FMN2: variants seen among roughly 807,000 people sequenced by gnomAD.
FMN2 encodes formin-2.
FMN2 carries 51 observed loss-of-function variants against 142.3 expected under a neutral mutation model. That is an observed-to-expected ratio of 0.36 (90% CI 0.29 to 0.45). The LOEUF is 0.45. FMN2 is among the 20% of genes least tolerant of loss of function. The pLI is 1.00. For synonymous variants in FMN2, 882 were observed against 869.8 expected, an observed-to-expected ratio of 1.01 and a Z score of -0.25; for missense variants, 1,936 against 2,122.8, an observed-to-expected ratio of 0.91 and a Z score of 1.73.
At chr1:240,334,986 G>A (rs1370173545) in intron 13 of FMN2, among the ~76,000 whole-genome samples, 1 of 152,048 alleles carries the variant, frequency 6.6e-6, no homozygotes, top group Non-Finnish European at 1.5e-5. Context: ...GGTTACCCCT[G>A]TCCAGAAACC....
Position 240,092,919 on chromosome 1 carries a change from G to A in FMN2, c.810G>A (p.Glu270=), listed in dbSNP as rs2103157741. The A allele has an allele frequency of 2.0e-6, 3 of 1,480,690 alleles. No individual in the cohort carries two copies. Among genetic ancestry groups the A allele is most frequent in the East Asian group, 2.5e-5 (1 of 39,532 alleles). The allele number at this position is 1,480,690 out of a possible 1,614,324, so 91.7% of individuals were successfully genotyped here. A position where few individuals can be genotyped will look rare whatever the true frequency, so the allele number is the denominator to read the frequency against. The change falls in exon 1 of 18, where the codon GAG becomes GAA. Residue 270 remains glutamate (E), a synonymous_variant. Transcript: ENST00000319653. ...AGEAPGSPDT[E]QALSALSDLP... is the part of the protein sequence containing the mutation. ...AGGCCCCGGGCAGTCCGGACACCGAGCAGGCGCTGTCCGCGCTCTCCGACC... is the reference window on the plus strand; with the variant it reads ...AGGCCCCGGGCAGTCCGGACACCGAACAGGCGCTGTCCGCGCTCTCCGACC...
chr1:240,136,900 G>T (rs1662965125), intron 2 of FMN2, among the ~76,000 whole-genome samples: 1 of 151,866 alleles, frequency 6.6e-6, no homozygotes, highest in Non-Finnish European at 1.5e-5. Context: ...GTGAAACCCT[G>T]TCTCTACTAC....
chr1:240,358,120 T>C (rs570218307), intron 14 of FMN2, among the ~76,000 whole-genome samples: 48 of 152,364 alleles, frequency 3.2e-4, no homozygotes, highest in Non-Finnish European at 5.0e-4. Flanking sequence ...TTATTTCTTC[T>C]TTGCATCTGT....
intron 15 of FMN2, among the ~76,000 whole-genome samples, chr1:240,396,622 G>A (rs921631005): frequency 2.0e-5 from 3 of 152,034 alleles, no homozygotes; most frequent in African/African-American, 7.2e-5. Flanking sequence ...GCATTGTTGA[G>A]TAGCCCCAGT....
intron 6 of FMN2, among the ~76,000 whole-genome samples, chr1:240,226,588 CAAG>C (rs1667309067): frequency 6.6e-6 from 1 of 152,124 alleles, no homozygotes; most frequent in Non-Finnish European, 1.5e-5. Flanking sequence ...TATACAAAAA[CAAG>C]GAGCACTGGT....
rs76420676 is a variant in FMN2 at position 240,349,516 on chromosome 1, T to C, written c.4766-6300T>C. On this transcript the variant is annotated intron_variant, in intron 13 of 17. Coordinates refer to ENST00000319653, the MANE Select transcript of FMN2 (RefSeq NM_020066.5). ...ACTCAAAAAAAAAATAGCCAGACTC[T>C]TCATGATCATGGTTCATTCCAGGGA... Among the ~76,000 whole-genome samples the C allele has an allele frequency of 5.7e-3, 864 of 152,238 alleles. 10 individuals carry two copies. The highest frequency in any genetic ancestry group is 0.019 in the African/African-American group (806 of 41,548).
In FMN2 at chr1:240,321,672, A is replaced by G. The variant is rs138145568; in HGVS notation, c.4216-7404A>G. Among the ~76,000 whole-genome samples the G allele has an allele frequency of 1.8e-4, 27 of 152,354 alleles. 1 individual carries two copies. In the East Asian group the frequency reaches 3.5e-3, roughly 20 times the overall value. On this transcript the variant is annotated intron_variant, in intron 8 of 17. Coordinates refer to ENST00000319653, the MANE Select transcript of FMN2 (RefSeq NM_020066.5). ...CTCACTTTCCCAACTACCTATCTGTATGAAGCTAGATTCTTTTCCTATACT... is the reference window on the plus strand; with the variant it reads ...CTCACTTTCCCAACTACCTATCTGTGTGAAGCTAGATTCTTTTCCTATACT...
rs542914542 is a variant in FMN2 at position 240,284,753 on chromosome 1, T to G, written c.4154-10069T>G. On this transcript the variant is annotated intron_variant, in intron 7 of 17. Transcript: ENST00000319653. ...TTTTTAAGGACCTTTTCTGGGTCCTTAAAAACGTAAAAACTAATAGGCAAT... is the reference window on the plus strand; with the variant it reads ...TTTTTAAGGACCTTTTCTGGGTCCTGAAAAACGTAAAAACTAATAGGCAAT... Among the ~76,000 whole-genome samples, 72 of 152,228 alleles carry G rather than the reference T, an allele frequency of 4.7e-4. 1 individual carries two copies. Among genetic ancestry groups the G allele is most frequent in the Non-Finnish European group, 3.1e-4 (21 of 68,012 alleles).
At chr1:240,322,875 G>T in intron 8 of FMN2, among the ~76,000 whole-genome samples, 1 of 152,186 alleles carries the variant, frequency 6.6e-6, no homozygotes, top group East Asian at 1.9e-4. Flanking sequence ...AAGATATTTA[G>T]GAGGTTAATT....
intron 1 of FMN2, among the ~76,000 whole-genome samples, chr1:240,109,851 T>G (rs759865884): frequency 1.2e-4 from 19 of 152,180 alleles, no homozygotes; most frequent in Non-Finnish European, 2.2e-4. Flanking sequence ...ATCATCTTAT[T>G]GTATTATTAT....
chr1:240,328,345 C>T (rs1047090924), intron 8 of FMN2, among the ~76,000 whole-genome samples: 6 of 151,094 alleles, frequency 4.0e-5, no homozygotes, highest in African/African-American at 1.5e-4. Context: ...AAATTACTTC[C>T]AAATTCAACT....
At chr1:240,291,939 G>A (rs1669806620) in intron 7 of FMN2, among the ~76,000 whole-genome samples, 1 of 152,006 alleles carries the variant, frequency 6.6e-6, no homozygotes, top group Non-Finnish European at 1.5e-5. Flanking sequence ...TTGCCTCTAA[G>A]CCCCACAAAA....
intron 2 of FMN2, among the ~76,000 whole-genome samples, chr1:240,151,989 A>T (rs942371445): frequency 6.6e-5 from 10 of 151,624 alleles, no homozygotes; most frequent in African/African-American, 2.4e-4. Context: ...CTGCTCTCGA[A>T]CTCCTGGGCT....
chr1:240,438,036 CT>C, intron 15 of FMN2, 24 bp from the exon 16 acceptor site: 1 of 1,603,858 alleles, frequency 6.2e-7, no homozygotes, highest in East Asian at 2.2e-5. Flanking sequence ...GGCTTTTATG[CT>C]TTTGTGTGTG....
At position 240,207,666 on chromosome 1, in the gene FMN2, G is replaced by T. The variant is rs367627381; in HGVS notation, c.2854G>T (p.Ala952Ser). Reference protein sequence around the residue: ...IPPPPPLPGAAIPPPPPLPGA... With the variant: ...IPPPPPLPGASIPPPPPLPGA... ...TCCTCCGCCCCCTCTACCCGGAGCGGCAATACCCCCTCCGCCCCCTCTTCC... is the reference window on the plus strand; with the variant it reads ...TCCTCCGCCCCCTCTACCCGGAGCGTCAATACCCCCTCCGCCCCCTCTTCC... Residue 952 changes from alanine (A) to serine (S), a missense_variant, in exon 5 of 18, where the codon GCA becomes TCA. Coordinates refer to ENST00000319653, the MANE Select transcript of FMN2 (RefSeq NM_020066.5). The T allele has an allele frequency of 1.6e-5, 23 of 1,464,736 alleles. No homozygotes were observed. The African/African-American group carries it at 3.2e-4, about 20-fold the overall frequency. 90.7% of individuals were successfully genotyped at this position (1,464,736 alleles called of 1,614,324 possible). A position where few individuals can be genotyped will look rare whatever the true frequency, so the allele number is the denominator to read the frequency against.
At chr1:240,239,265 C>T (rs537920864) in intron 6 of FMN2, among the ~76,000 whole-genome samples, 17 of 152,020 alleles carry the variant, frequency 1.1e-4, no homozygotes, top group East Asian at 3.9e-4. Context: ...TATTGTTGGA[C>T]GAGGATGTGA....
chr1:240,334,364 AC>A (rs763165332), intron 13 of FMN2, 135 bp downstream of exon 13: 2 of 1,056,572 alleles, frequency 1.9e-6, no homozygotes, highest in African/African-American at 1.7e-5. Flanking sequence ...TGGCGAAAGA[AC>A]AATTTTGCCT....
chr1:240,342,451 G>T (rs920864965), intron 13 of FMN2, among the ~76,000 whole-genome samples: 1 of 152,152 alleles, frequency 6.6e-6, no homozygotes, highest in Non-Finnish European at 1.5e-5. Flanking sequence ...TAGGAAATTA[G>T]ACTCCTCCCA....
In FMN2 at chr1:240,169,503, G is replaced by A. The variant is rs1044028743; in HGVS notation, c.1783-8418G>A. Among the ~76,000 whole-genome samples the A allele has an allele frequency of 1.8e-4, 28 of 152,184 alleles. No homozygotes were observed. The South Asian group carries it at 2.5e-3, about 14-fold the overall frequency. On this transcript the variant is annotated intron_variant, in intron 2 of 17. Coordinates refer to ENST00000319653, the MANE Select transcript of FMN2 (RefSeq NM_020066.5). The stretch of plus-strand genomic sequence containing the variant: ...GTTTTTGAGACGGTTTCACTGTGTC[G>A]CCCAGGCTGGAGTACAGTGGTGCGA...
Sources: allele counts gnomAD v4.1 joint callset (sites outside exome capture counted in the v4.1 genomes callset), GRCh38; gene constraint gnomAD v4.1.1; transcripts MANE v1.5; gene names NCBI Gene and HGNC (gene_info 2026-07-23, HGNC 2026-07-21).